The following STYK1 variants were observed in gnomAD, a reference collection of about 807,000 sequenced individuals.
The protein encoded by STYK1 is tyrosine-protein kinase STYK1.
A neutral mutation model predicts 48.1 loss-of-function variants in STYK1; 46 were observed. The ratio of observed to expected loss-of-function variants is 0.96; its 90% CI spans 0.75 to 1.22. STYK1 has a LOEUF of 1.22. Ranked by LOEUF, STYK1 falls within the 50% of genes most tolerant of loss-of-function variation. STYK1 has a pLI of 0.00. For synonymous variants in STYK1, 188 were observed against 189.0 expected (o/e 0.99, Z 0.04); for missense variants, 527 against 521.1 (o/e 1.01, Z -0.11).
chr12:10,671,879 A>T (rs1245277247), intron 1 of STYK1, among the ~76,000 whole-genome samples: 2 of 152,060 alleles, frequency 1.3e-5, no homozygotes, highest in Non-Finnish European at 2.9e-5. Flanking sequence ...TAACTTGTGC[A>T]TAATTAAAGA....
chr12:10,619,885 C>T lies in STYK1; in HGVS notation c.*259G>A. 1 of 575,960 alleles carries T rather than the reference C, an allele frequency of 1.7e-6. No homozygotes were observed. The highest frequency in any genetic ancestry group is 2.4e-5 in the South Asian group (1 of 41,286). 35.7% of individuals were successfully genotyped at this position (575,960 alleles called of 1,614,324 possible). Reference sequence around the variant, plus strand: ...AAATACTGCAGAGTTCTAAAACCTCCTTTGCACAGGTCCACCACTTCTACC... The same window carrying T: ...AAATACTGCAGAGTTCTAAAACCTCTTTTGCACAGGTCCACCACTTCTACC... On this transcript the variant is annotated 3_prime_UTR_variant, in exon 11 of 11. Transcript: ENST00000075503.
chr12:10,634,644 C>T lies in STYK1; in HGVS notation c.-26G>A. On this transcript the variant is annotated 5_prime_UTR_variant, in exon 3 of 11. It removes the in-frame stop codon of an upstream open reading frame in the 5' UTR. Coordinates refer to ENST00000075503, the MANE Select transcript of STYK1 (RefSeq NM_018423.3). ...TGCCACAGGGCTGTCCCCTTCCCTG[C>T]TAGGCCCACAGAGAATGCACACAGC... 1 of 1,614,004 alleles carries T rather than the reference C, an allele frequency of 6.2e-7. No individual in the cohort carries two copies. The highest frequency in any genetic ancestry group is 8.5e-7 in the Non-Finnish European group (1 of 1,179,940).
chr12:10,624,958 A>G, intron 7 of STYK1, 99 bp from the exon 8 acceptor site: 1 of 999,366 alleles, frequency 1.0e-6, no homozygotes, highest in South Asian at 1.4e-5. Flanking sequence ...ACACAAGGAC[A>G]TTTTCTACTC....
chr12:10,634,214 A>C, intron 3 of STYK1, 90 bp from the exon 4 acceptor site: 61 of 1,440,600 alleles, frequency 4.2e-5, no homozygotes, highest in African/African-American at 9.9e-5. Flanking sequence ...CTCTCAGCTC[A>C]TCATACATGA....
chr12:10,664,222 C>T (rs1413289375), intron 1 of STYK1, among the ~76,000 whole-genome samples: 8 of 152,158 alleles, frequency 5.3e-5, no homozygotes, highest in Admixed American at 5.2e-4. Context: ...TCATTTTCCC[C>T]TGACAGACCA....
chr12:10,628,482 C>G (rs1244721360), intron 6 of STYK1, among the ~76,000 whole-genome samples: 2 of 152,156 alleles, frequency 1.3e-5, no homozygotes, highest in Non-Finnish European at 2.9e-5. Flanking sequence ...GAGGACAAAA[C>G]AAGTTTTAGA....
At chr12:10,654,800 G>A (rs191089105) in intron 1 of STYK1, among the ~76,000 whole-genome samples, 1 of 152,304 alleles carries the variant, frequency 6.6e-6, no homozygotes, top group East Asian at 1.9e-4. Context: ...GATGTTAACT[G>A]CTATTCTCTT....
chr12:10,634,506 G>A (rs979179164), intron 3 of STYK1, 61 bp downstream of exon 3: 31 of 1,537,310 alleles, frequency 2.0e-5, no homozygotes, highest in Middle Eastern at 3.4e-4. Context: ...AGAATCTACC[G>A]AGACCTTAGC....
chr12:10,647,845 G>C (rs1947617439), intron 1 of STYK1, among the ~76,000 whole-genome samples: 1 of 152,138 alleles, frequency 6.6e-6, no homozygotes, highest in Admixed American at 6.5e-5. Context: ...GCACAAGACA[G>C]TTCTCTCTCT....
Position 10,622,653 on chromosome 12 carries a change from C to T in STYK1, c.952G>A (p.Glu318Lys). ...TCATCCTTACCTAGAGTCACCATCT[C>T]ATAGAGCAGGATCCCAAAAGACCAG... is the stretch of plus-strand genomic sequence containing the variant. ...DVWSFGILLY[E>K]MVTLGAPPYP... Residue 318 changes from glutamate (E) to lysine (K), a missense_variant, in exon 9 of 11, where the codon GAG becomes AAG. Transcript: ENST00000075503. 1 of 1,613,980 alleles carries T rather than the reference C, an allele frequency of 6.2e-7. No homozygotes were observed. The highest frequency in any genetic ancestry group is 1.1e-5 in the South Asian group (1 of 91,070).
In STYK1 at chr12:10,623,463, T is replaced by C. The variant is rs370933582; in HGVS notation, c.927-785A>G. Reference sequence around the variant, plus strand: ...GAGTTATATGGCTACCAAAAGTCAATTGTGATTCTTTATGATCCTGTTAAT... The same window carrying C: ...GAGTTATATGGCTACCAAAAGTCAACTGTGATTCTTTATGATCCTGTTAAT... On this transcript the variant is annotated intron_variant, in intron 8 of 10. Coordinates refer to ENST00000075503, the MANE Select transcript of STYK1 (RefSeq NM_018423.3). 4.3e-4 allele frequency among the ~76,000 whole-genome samples: 65 copies of C among 152,292 alleles called. 1 individual carries two copies. In the South Asian group the frequency reaches 0.011, roughly 27 times the overall value.
chr12:10,648,996 C>T (rs562039687), intron 1 of STYK1, among the ~76,000 whole-genome samples: 4 of 152,254 alleles, frequency 2.6e-5, no homozygotes, highest in Non-Finnish European at 5.9e-5. Context: ...AAATTGAGAG[C>T]CTGAATGGCA....
At position 10,619,993 on chromosome 12, in the gene STYK1, T is replaced by C. The variant is rs1354022404; in HGVS notation, c.*151A>G. ...ATGTGTAGAGTCCCATCCAGCATCA[T>C]TTCAGATTTCCCGAGAAATGTGTAA... On this transcript the variant is annotated 3_prime_UTR_variant, in exon 11 of 11. Coordinates refer to ENST00000075503, the MANE Select transcript of STYK1 (RefSeq NM_018423.3). The C allele has an allele frequency of 3.5e-6, 3 of 854,302 alleles. No homozygotes were observed. In the African/African-American group the frequency reaches 5.0e-5, roughly 14 times the overall value. The allele number at this position is 854,302 out of a possible 1,614,324, so 52.9% of individuals were successfully genotyped here.
intron 1 of STYK1, among the ~76,000 whole-genome samples, chr12:10,641,886 G>T (rs949238275): frequency 1.3e-5 from 2 of 152,176 alleles, no homozygotes; most frequent in Non-Finnish European, 2.9e-5. Flanking sequence ...AAGGGAAGTG[G>T]AGTCAGCCCT....
intron 1 of STYK1, among the ~76,000 whole-genome samples, chr12:10,671,893 T>C (rs1355168592): frequency 6.7e-6 from 1 of 149,232 alleles, no homozygotes; most frequent in Non-Finnish European, 1.5e-5. Context: ...TTAAAGACAT[T>C]AGTTGTTAAA....
chr12:10,627,542 T>C lies in STYK1; in HGVS notation c.717+99A>G, dbSNP rs943368373. On this transcript the variant is annotated intron_variant, in intron 7 of 10. Transcript: ENST00000075503. ...CTTCTATCTAATTTTCTTTAAAACATACACACCACTTGAGAATATTAATAT... is the reference window on the plus strand; with the variant it reads ...CTTCTATCTAATTTTCTTTAAAACACACACACCACTTGAGAATATTAATAT... 2.4e-5 allele frequency: 27 copies of C among 1,120,412 alleles called. No individual in the cohort carries two copies. The African/African-American group carries it at 4.3e-4, about 18-fold the overall frequency. 69.4% of individuals were successfully genotyped at this position (1,120,412 alleles called of 1,614,324 possible). A position where few individuals can be genotyped will look rare whatever the true frequency, so the allele number is the denominator to read the frequency against.
At position 10,625,407 on chromosome 12, in the gene STYK1, C is replaced by CGG. The variant is rs1012353039; in HGVS notation, c.718-550_718-549dup. 3.7e-4 allele frequency among the ~76,000 whole-genome samples: 56 copies of CGG among 152,096 alleles called. 1 individual carries two copies. Among genetic ancestry groups the CGG allele is most frequent in the Admixed American group, 1.2e-3 (18 of 15,282 alleles). Reference sequence around the variant, plus strand: ...TAATTTTTTGTATTTTTAGTAGAGACGGGGTTTCACCATGTTAGCCAGGAT... The same window carrying CGG: ...TAATTTTTTGTATTTTTAGTAGAGACGGGGGGTTTCACCATGTTAGCCAGGAT... On this transcript the variant is annotated intron_variant, in intron 7 of 10. Transcript: ENST00000075503.
chr12:10,668,538 G>A (rs1172806682), intron 1 of STYK1, among the ~76,000 whole-genome samples: 4 of 98,126 alleles, frequency 4.1e-5, no homozygotes, highest in African/African-American at 1.8e-4. Context: ...ACCACACCTG[G>A]CTTTTTTTTT....
intron 1 of STYK1, among the ~76,000 whole-genome samples, chr12:10,670,344 G>A (rs1947878737): frequency 6.6e-6 from 1 of 151,862 alleles, no homozygotes; most frequent in Non-Finnish European, 1.5e-5. Context: ...GTCCATCAAT[G>A]GATAAATGAA....
Sources: gnomAD v4.1 joint callset for allele counts (sites outside exome capture counted in the v4.1 genomes callset) on GRCh38, gnomAD v4.1.1 for gene constraint, MANE v1.5 for transcripts, NCBI Gene and HGNC (gene_info 2026-07-23, HGNC 2026-07-21) for gene names.